SLC38A1: variants seen among roughly 807,000 people sequenced by gnomAD.
SLC38A1 encodes the protein sodium-coupled neutral amino acid symporter 1.
SLC38A1 carries 18 observed loss-of-function variants against 60.3 expected under a neutral mutation model. That is an observed-to-expected ratio of 0.30 (90% CI 0.21 to 0.44). The LOEUF (loss-of-function observed/expected upper bound fraction) is 0.44. SLC38A1 is among the 20% of genes least tolerant of loss of function. The pLI is 1.00. For synonymous variants in SLC38A1, 196 were observed against 212.1 expected (o/e 0.92, Z 0.66); for missense variants, 448 against 587.2 (o/e 0.76, Z 2.45).
intron 5 of SLC38A1, among the ~76,000 whole-genome samples, chr12:46,219,247 A>C (rs1186549036): frequency 6.6e-6 from 1 of 152,236 alleles, no homozygotes; most frequent in Non-Finnish European, 1.5e-5. Flanking sequence ...GTTAGAAGCA[A>C]GATAGAGTTG....
intron 1 of SLC38A1, among the ~76,000 whole-genome samples, chr12:46,251,843 G>A (rs1170149723): frequency 6.6e-6 from 1 of 151,896 alleles, no homozygotes; most frequent in Non-Finnish European, 1.5e-5. Flanking sequence ...AAACAACAGA[G>A]GCTGGAGAGG....
At chr12:46,201,251 C>A in intron 12 of SLC38A1, 53 bp from the exon 13 acceptor site, 2 of 1,398,922 alleles carry the variant, frequency 1.4e-6, no homozygotes, top group South Asian at 2.4e-5. Context: ...AATTTAAGCA[C>A]CAGTGTTAAC....
chr12:46,224,081 G>C (rs545163783), intron 5 of SLC38A1, among the ~76,000 whole-genome samples: 2 of 152,176 alleles, frequency 1.3e-5, no homozygotes, highest in Non-Finnish European at 2.9e-5. Context: ...TGGAGTTATG[G>C]GTAAGACTCA....
chr12:46,201,273 CTAATT>C (rs1350232622), intron 12 of SLC38A1, 75 bp from the exon 13 acceptor site: 1 of 1,210,168 alleles, frequency 8.3e-7, no homozygotes, highest in African/African-American at 1.5e-5. Flanking sequence ...TTGAAGAATA[CTAATT>C]TAACTTTGCT....
At chr12:46,217,286 C>A (rs1159288570) in intron 5 of SLC38A1, among the ~76,000 whole-genome samples, 1 of 152,138 alleles carries the variant, frequency 6.6e-6, no homozygotes, top group Non-Finnish European at 1.5e-5. Context: ...AAAGTCCCTA[C>A]CCATCACGTT....
At chr12:46,254,837 A>G (rs1460408014) in intron 1 of SLC38A1, 1 of 153,190 alleles carries the variant, frequency 6.5e-6, no homozygotes, top group East Asian at 1.9e-4. Flanking sequence ...ATTCTGGGGA[A>G]ATCAGGTAGA....
intron 13 of SLC38A1, among the ~76,000 whole-genome samples, chr12:46,199,963 TA>T (rs1239677243): frequency 1.3e-5 from 2 of 152,158 alleles, no homozygotes; most frequent in African/African-American, 2.4e-5. Context: ...ACTAACCACT[TA>T]AAAAATAGCT....
Position 46,186,530 on chromosome 12 carries a change from A to G in SLC38A1, c.*2440T>C, listed in dbSNP as rs1214080590. On this transcript the variant is annotated 3_prime_UTR_variant, in exon 17 of 17. Transcript: ENST00000398637. ...AACTATTCTGAATAAGAATAAGAGC[A>G]GTATACTTTACAGCTAATCTCACAC... is the stretch of plus-strand genomic sequence containing the variant. The G allele has an allele frequency of 6.6e-6, 1 of 152,250 alleles. No homozygotes were observed. The highest frequency in any genetic ancestry group is 6.5e-5 in the Admixed American group (1 of 15,282). 9.4% of individuals were successfully genotyped at this position (152,250 alleles called of 1,614,324 possible).
rs145251597 is a variant in SLC38A1, at chr12:46,222,541, A to G, written c.314+6612T>C. On this transcript the variant is annotated intron_variant, in intron 5 of 16. Transcript: ENST00000398637. ...GCTACACACTATGTTCCCCGTTACAACCTAGGAGATTTTTCCTCACCTGCC... is the reference window on the plus strand; with the variant it reads ...GCTACACACTATGTTCCCCGTTACAGCCTAGGAGATTTTTCCTCACCTGCC... Among the ~76,000 whole-genome samples the G allele has an allele frequency of 3.7e-4, 57 of 152,224 alleles. 1 individual carries two copies. The East Asian group carries it at 9.1e-3, about 24-fold the overall frequency.
chr12:46,203,878 A>T (rs932303817), intron 11 of SLC38A1, among the ~76,000 whole-genome samples: 3 of 152,184 alleles, frequency 2.0e-5, no homozygotes, highest in Non-Finnish European at 4.4e-5. Flanking sequence ...TCTGTTTCCC[A>T]TTGTATCAAC....
At chr12:46,221,839 G>A (rs1940672274) in intron 5 of SLC38A1, among the ~76,000 whole-genome samples, 1 of 152,174 alleles carries the variant, frequency 6.6e-6, no homozygotes, top group Admixed American at 6.5e-5. Context: ...AAAAGGAAAG[G>A]AAGAGAGACC....
intron 2 of SLC38A1, among the ~76,000 whole-genome samples, chr12:46,241,132 C>T (rs1941431643): frequency 6.6e-6 from 1 of 152,024 alleles, no homozygotes; most frequent in African/African-American, 2.4e-5. Context: ...TGGAATCAAG[C>T]AGAATGTCAA....
At chr12:46,262,409 A>G (rs1371258060) in intron 1 of SLC38A1, among the ~76,000 whole-genome samples, 1 of 152,178 alleles carries the variant, frequency 6.6e-6, no homozygotes, top group Admixed American at 6.5e-5. Context: ...TTGAATCTTA[A>G]TTAATTAGAA....
At position 46,199,384 on chromosome 12, in the gene SLC38A1, C is replaced by T. The variant is rs115987404; in HGVS notation, c.1004-641G>A. 1.0e-3 allele frequency among the ~76,000 whole-genome samples: 152 copies of T among 150,428 alleles called. 2 individuals are homozygous for T. The highest frequency in any genetic ancestry group is 3.6e-3 in the African/African-American group (145 of 40,802). ...GTTGAGACAGGGTTTTGCTCTATCA[C>T]CCAGGCTGGAATATGGTTGCCATAG... On this transcript the variant is annotated intron_variant, in intron 13 of 16. Transcript: ENST00000398637.
chr12:46,192,451 T>C (rs1379119534), intron 16 of SLC38A1, among the ~76,000 whole-genome samples: 1 of 152,204 alleles, frequency 6.6e-6, no homozygotes, highest in African/African-American at 2.4e-5. Flanking sequence ...CCTCATAAAA[T>C]GAGTTAGGGA....
Position 46,201,153 on chromosome 12 carries a change from G to A in SLC38A1, c.948C>T (p.Phe316=), listed in dbSNP as rs148875371. Residue 316 remains phenylalanine (F), a synonymous_variant, in exon 13 of 17, where the codon TTC becomes TTT. Coordinates refer to ENST00000398637, the MANE Select transcript of SLC38A1 (RefSeq NM_030674.4). Reference sequence around the variant, plus strand: ...TCAAGAAGTACATAACAAACATGGCGAAAAAGGAGATGTTTGAAACCATCT... The same window carrying A: ...TCAAGAAGTACATAACAAACATGGCAAAAAAGGAGATGTTTGAAACCATCT... ...KMQMVSNISF[F]AMFVMYFLTA... 1.0e-3 allele frequency: 1,641 copies of A among 1,613,308 alleles called. 13 individuals are homozygous for A. In the African/African-American group the frequency reaches 0.017, roughly 17 times the overall value.
intron 5 of SLC38A1, 34 bp from the exon 6 acceptor site, chr12:46,209,161 C>G: frequency 7.1e-7 from 1 of 1,398,914 alleles, no homozygotes; most frequent in Non-Finnish European, 1.0e-6. Flanking sequence ...ATTGTAATAT[C>G]TAGAAAAGAA....
In SLC38A1 at chr12:46,188,390, G is replaced by A. The variant is rs1205650531; in HGVS notation, c.*580C>T. On this transcript the variant is annotated 3_prime_UTR_variant, in exon 17 of 17. Transcript: ENST00000398637. The stretch of plus-strand genomic sequence containing the variant: ...CGAGTTCAGCTGCCAGGAAATCAGA[G>A]CCACCTCAAATATTGGGCATGCTCT... 2 of 152,624 alleles carry A rather than the reference G, an allele frequency of 1.3e-5. No homozygotes were observed. Among genetic ancestry groups the A allele is most frequent in the Non-Finnish European group, 2.9e-5 (2 of 68,082 alleles). The allele number at this position is 152,624 out of a possible 1,614,324, so 9.5% of individuals were successfully genotyped here.
chr12:46,266,703 G>T (rs192874601), intron 1 of SLC38A1, among the ~76,000 whole-genome samples: 1 of 152,098 alleles, frequency 6.6e-6, no homozygotes, highest in Non-Finnish European at 1.5e-5. Context: ...TTCATAGAAG[G>T]TGAAACAAAT....
Sources: gnomAD v4.1 joint callset for allele counts (sites outside exome capture counted in the v4.1 genomes callset) on GRCh38, gnomAD v4.1.1 for gene constraint, MANE v1.5 for transcripts, NCBI Gene and HGNC (gene_info 2026-07-23, HGNC 2026-07-21) for gene names.